Variants in NOVA1 observed in about 807,000 individuals in gnomAD.
NOVA1 encodes the protein NOVA alternative splicing regulator 1, also known as RNA-binding protein Nova-1.
Under a neutral mutation model 38.0 loss-of-function variants are expected in NOVA1, and 7 were observed. The ratio of observed to expected loss-of-function variants is 0.18; its 90% CI spans 0.10 to 0.35. NOVA1 has a LOEUF of 0.35. NOVA1 is among the 10% of genes least tolerant of loss of function. The probability of loss-of-function intolerance (pLI) is 1.00; values close to 1 mark genes in which losing one functional copy is unlikely to be tolerated. For missense variants in NOVA1, 460 were observed against 616.0 expected (o/e 0.75, Z 2.68); for synonymous variants, 270 against 232.5 (o/e 1.16, Z -1.47).
rs755533933 is a variant in NOVA1 at position 26,448,350 on chromosome 14, C to G, written c.1133G>C (p.Gly378Ala). The G allele has an allele frequency of 6.2e-7, 1 of 1,614,070 alleles. No homozygotes were observed. Among genetic ancestry groups the G allele is most frequent in the Non-Finnish European group, 8.5e-7 (1 of 1,180,014 alleles). ...EASASGSTAG[G>A]TAGTFALGSL... ...ACCTAATGCAAATGTCCCCGCCGTA[C>G]CACCAGCTGTGCTGCCACTGGCTGA... The change falls in exon 5 of 5, where the codon GGT becomes GCT. Residue 378 changes from glycine (G) to alanine (A), a missense_variant. Coordinates refer to ENST00000539517, the MANE Select transcript of NOVA1 (RefSeq NM_002515.3). The surrounding 1 kb of genome is among the most constrained non-coding windows in gnomAD (Gnocchi z 5.3).
chr14:26,597,050 T>C, intron 1 of NOVA1: 1 of 1,225,682 alleles, frequency 8.2e-7, no homozygotes, highest in Non-Finnish European at 1.0e-6. Context: ...AAGATAGGTC[T>C]ATTCCGAAAA....
intron 2 of NOVA1, among the ~76,000 whole-genome samples, chr14:26,485,896 G>T (rs935337061): frequency 6.6e-6 from 1 of 152,070 alleles, no homozygotes; most frequent in African/African-American, 2.4e-5. Flanking sequence ...AAATGTAGTA[G>T]AAAATTTATT....
chr14:26,479,929 A>T, intron 3 of NOVA1, 48 bp downstream of exon 3: 1 of 1,593,602 alleles, frequency 6.3e-7, no homozygotes, highest in South Asian at 1.1e-5. Flanking sequence ...TAAGGAACTT[A>T]TACTATGCTG....
intron 2 of NOVA1, among the ~76,000 whole-genome samples, chr14:26,572,304 A>G (rs1336852724): frequency 6.6e-6 from 1 of 152,222 alleles, no homozygotes; most frequent in Non-Finnish European, 1.5e-5. Flanking sequence ...AAAGGGAACA[A>G]GATCAAAATT....
chr14:26,576,155 G>A (rs73601983), intron 2 of NOVA1, among the ~76,000 whole-genome samples: 2,705 of 151,828 alleles, frequency 0.018, 71 homozygotes, highest in African/African-American at 0.062. Flanking sequence ...TCTACAATGT[G>A]TGTGTATATA....
chr14:26,579,694 A>C (rs1893091595), intron 2 of NOVA1, among the ~76,000 whole-genome samples: 1 of 152,162 alleles, frequency 6.6e-6, no homozygotes, highest in Non-Finnish European at 1.5e-5. Flanking sequence ...GCAATCAAGA[A>C]TATGTGTAAT....
intron 3 of NOVA1, chr14:26,479,663 G>A (rs1885276412): frequency 3.0e-6 from 1 of 335,682 alleles, no homozygotes; most frequent in South Asian, 1.5e-4. Flanking sequence ...TATTTAAAAA[G>A]TGATATAATT....
At chr14:26,475,564 C>T (rs1884918796) in intron 3 of NOVA1, among the ~76,000 whole-genome samples, 1 of 152,094 alleles carries the variant, frequency 6.6e-6, no homozygotes, top group South Asian at 2.1e-4. Context: ...GAAGGACAGA[C>T]TCAGTTTTCA....
chr14:26,528,769 C>A lies in NOVA1; in HGVS notation c.281-48626G>T, dbSNP rs190427917. Among the ~76,000 whole-genome samples the A allele has an allele frequency of 7.9e-5, 12 of 152,284 alleles. No individual in the cohort carries two copies. In the East Asian group the frequency reaches 2.3e-3, roughly 29 times the overall value. On this transcript the variant is annotated intron_variant, in intron 2 of 4. Transcript: ENST00000539517. ...TAATTTTCGGGACACTGTTATGATT[C>A]CCTTTAGCCGAATCCTACTATTGTT...
chr14:26,573,608 T>C (rs1892626805), intron 2 of NOVA1, among the ~76,000 whole-genome samples: 1 of 152,124 alleles, frequency 6.6e-6, no homozygotes, highest in Non-Finnish European at 1.5e-5. Context: ...TCATTCTATA[T>C]ATGTAGACAA....
chr14:26,499,819 C>T (rs1198089864), intron 2 of NOVA1, among the ~76,000 whole-genome samples: 1 of 152,118 alleles, frequency 6.6e-6, no homozygotes, highest in Admixed American at 6.5e-5. Context: ...AGAAAGCCTT[C>T]TTATTAGCCA....
At chr14:26,579,213 A>C (rs1893061083) in intron 2 of NOVA1, among the ~76,000 whole-genome samples, 1 of 151,842 alleles carries the variant, frequency 6.6e-6, no homozygotes, top group Non-Finnish European at 1.5e-5. Flanking sequence ...GCGCGCCATC[A>C]AGCCCAGCCA....
At chr14:26,493,565 A>G (rs1886524104) in intron 2 of NOVA1, among the ~76,000 whole-genome samples, 1 of 152,192 alleles carries the variant, frequency 6.6e-6, no homozygotes, top group African/African-American at 2.4e-5. Context: ...ACAGGAATAC[A>G]CAATCATCCA....
intron 4 of NOVA1, among the ~76,000 whole-genome samples, chr14:26,462,513 T>C (rs893669466): frequency 2.6e-5 from 4 of 152,224 alleles, no homozygotes; most frequent in Non-Finnish European, 5.9e-5. Flanking sequence ...TCATAATAGG[T>C]CTATTAATTA....
chr14:26,461,475 A>G (rs889305025), intron 4 of NOVA1, among the ~76,000 whole-genome samples: 1 of 152,130 alleles, frequency 6.6e-6, no homozygotes, highest in Non-Finnish European at 1.5e-5. Context: ...AACTTGCCCT[A>G]AGGGAGATCC....
At chr14:26,471,638 A>T (rs1193526596) in intron 4 of NOVA1, among the ~76,000 whole-genome samples, 1 of 151,952 alleles carries the variant, frequency 6.6e-6, no homozygotes, top group Non-Finnish European at 1.5e-5. Context: ...AAAAATAACT[A>T]CATTTTTGAA....
intron 2 of NOVA1, among the ~76,000 whole-genome samples, chr14:26,577,461 C>T (rs1317888603): frequency 6.6e-6 from 1 of 151,996 alleles, no homozygotes; most frequent in African/African-American, 2.4e-5. Context: ...TTGTCATTCA[C>T]CAGAGTTTTA....
chr14:26,533,224 G>A (rs1228714877), intron 2 of NOVA1, among the ~76,000 whole-genome samples: 1 of 152,026 alleles, frequency 6.6e-6, no homozygotes, highest in Non-Finnish European at 1.5e-5. Context: ...CTAATCTTTG[G>A]TCTATTTCTT....
chr14:26,482,726 CT>C (rs1885567661), intron 2 of NOVA1, among the ~76,000 whole-genome samples: 1 of 152,082 alleles, frequency 6.6e-6, no homozygotes, highest in African/African-American at 2.4e-5. Context: ...GAGACAGAGT[CT>C]CACTTTATCA....
Sources: gnomAD v4.1 joint callset for allele counts (sites outside exome capture counted in the v4.1 genomes callset) on GRCh38, gnomAD v4.1.1 for gene constraint, Gnocchi (gnomAD v3.1) non-coding constraint, MANE v1.5 for transcripts, NCBI Gene and HGNC (gene_info 2026-07-23, HGNC 2026-07-21) for gene names.